GGA3: variants seen among roughly 807,000 people sequenced by gnomAD.
GGA3 encodes golgi associated, gamma adaptin ear containing, ARF binding protein 3.
GGA3 carries 57 observed loss-of-function variants against 77.5 expected under a neutral mutation model. The ratio of observed to expected loss-of-function variants is 0.74; its 90% confidence interval spans 0.59 to 0.92. The LOEUF is 0.92. Ranked by LOEUF, GGA3 falls within the 40% of genes least tolerant of loss-of-function variation. The pLI is 0.00. For synonymous variants in GGA3, 416 were observed against 383.7 expected (o/e 1.08, Z -0.98); for missense variants, 970 against 914.9 (o/e 1.06, Z -0.78).
At chr17:75,249,112 C>G (rs1403651843) in intron 1 of GGA3, 1 of 444,856 alleles carries the variant, frequency 2.2e-6, no homozygotes, top group Non-Finnish European at 3.0e-6. Context: ...GTGGCGCGAT[C>G]TAGGCTCACT....
intron 14 of GGA3, 115 bp from the exon 15 acceptor site, chr17:75,239,198 C>A (rs948976765): frequency 9.3e-7 from 1 of 1,079,166 alleles, no homozygotes; most frequent in Non-Finnish European, 1.3e-6. Flanking sequence ...TGCTTCCTAA[C>A]GGAATCTGGG....
intron 2 of GGA3, 22 bp from the exon 3 acceptor site, chr17:75,246,606 C>A: frequency 6.2e-7 from 1 of 1,608,824 alleles, no homozygotes; most frequent in Non-Finnish European, 8.5e-7. Context: ...GCAGAACACA[C>A]TCCAGTGCAC....
rs1298055447 is a variant in GGA3 at position 75,241,474 on chromosome 17, T to G, written c.872A>C (p.Asn291Thr). ...CCCTTCAATAATTGTTTTGTAAGAGTTGATGACCCGGGAGAGGTTGTCACT... is the reference window on the plus strand; with the variant it reads ...CCCTTCAATAATTGTTTTGTAAGAGGTGATGACCCGGGAGAGGTTGTCACT... ...QASDNLSRVI[N>T]SYKTIIEGQV... Residue 291 changes from asparagine to threonine, a missense_variant, in exon 10 of 17, where the codon AAC becomes ACC. Physicochemically the swap from Asn to Thr is moderately conservative, Grantham distance 65. Transcript: ENST00000537686. 2 of 1,613,934 alleles carry G rather than the reference T, an allele frequency of 1.2e-6. No homozygotes were observed. Among genetic ancestry groups the G allele is most frequent in the South Asian group, 1.1e-5 (1 of 91,072 alleles).
chr17:75,247,664 A>G (rs570315386), intron 1 of GGA3, among the ~76,000 whole-genome samples: 2 of 152,282 alleles, frequency 1.3e-5, no homozygotes, highest in African/African-American at 4.8e-5. Flanking sequence ...TGTCAAGCCA[A>G]CAACATTTAC....
Position 75,239,510 on chromosome 17 carries a change from G to T in GGA3, c.1645C>A (p.Pro549Thr). Residue 549 changes from proline to threonine, a missense_variant, in exon 14 of 17, where the codon CCC becomes ACC. Coordinates refer to ENST00000537686, the MANE Select transcript of GGA3 (RefSeq NM_138619.4). ...PLIPTTTPAR[P>T]LLPFSTGPGS... Reference sequence around the variant, plus strand: ...GGCCCCGTGGAGAAGGGCAGGAGGGGCCTGGCTGGGGTGGTGGTGGGGATG... The same window carrying T: ...GGCCCCGTGGAGAAGGGCAGGAGGGTCCTGGCTGGGGTGGTGGTGGGGATG... The T allele has an allele frequency of 6.4e-7, 1 of 1,573,370 alleles. No homozygotes were observed. The highest frequency in any genetic ancestry group is 1.7e-4 in the Middle Eastern group (1 of 5,926).
Position 75,238,007 on chromosome 17 carries a change from G to C in GGA3, c.*272C>G. The stretch of plus-strand genomic sequence containing the variant: ...GCCAAGCCTGGGGGTCCATGTTCCC[G>C]GGACAGCAGTGAAGTCAGGGGCCAC... On this transcript the variant is annotated 3_prime_UTR_variant, in exon 17 of 17. Transcript: ENST00000537686. 11 of 1,247,358 alleles carry C rather than the reference G, an allele frequency of 8.8e-6. No individual in the cohort carries two copies. The highest frequency in any genetic ancestry group is 1.0e-5 in the Non-Finnish European group (10 of 994,742). 77.3% of individuals were successfully genotyped at this position (1,247,358 alleles called of 1,614,324 possible).
At chr17:75,261,846 C>A, upstream of GGA3, 1 of 1,562,664 alleles carries the variant, frequency 6.4e-7, no homozygotes, top group East Asian at 2.3e-5. Flanking sequence ...CGTTTCCCGT[C>A]ACTCGCTCAG....
In GGA3 at chr17:75,260,482, TCTTA is replaced by T. The variant is rs549375893; in HGVS notation, c.40+1062_40+1065del. Among the ~76,000 whole-genome samples, 1,291 of 152,370 alleles carry T rather than the reference TCTTA, an allele frequency of 8.5e-3. 6 individuals are homozygous for T. Among genetic ancestry groups the T allele is most frequent in the Non-Finnish European group, 0.014 (957 of 68,034 alleles). On this transcript the variant is annotated intron_variant, in intron 1 of 16. Transcript: ENST00000537686. ...GCAACTGCAGATTTTGCAAACGTGATCTTACTTTTTCTCTCTTTTGGGATATGCT... is the reference window on the plus strand; with the variant it reads ...GCAACTGCAGATTTTGCAAACGTGATCTTTTTCTCTCTTTTGGGATATGCT...
chr17:75,242,155 G>A (rs888164890), intron 8 of GGA3, 181 bp downstream of exon 8: 7 of 683,122 alleles, frequency 1.0e-5, no homozygotes, highest in East Asian at 2.5e-5. Flanking sequence ...GCTGATCCCA[G>A]GAGGCAAATG....
chr17:75,258,990 G>C (rs2077252519), intron 1 of GGA3, among the ~76,000 whole-genome samples: 1 of 139,034 alleles, frequency 7.2e-6, no homozygotes, highest in Non-Finnish European at 1.5e-5. Context: ...GTCTCGCTCT[G>C]TCACCGAGGC....
At chr17:75,261,356 G>A (rs2077366201) in intron 1 of GGA3, among the ~76,000 whole-genome samples, 192 bp downstream of exon 1, 1 of 152,256 alleles carries the variant, frequency 6.6e-6, no homozygotes, top group African/African-American at 2.4e-5. Context: ...CGCAGCGAGG[G>A]AAGCGGGGGC....
Position 75,261,594 on chromosome 17 carries a change from G to A in GGA3, c.-7C>T, listed in dbSNP as rs943309087. ...CCCCTTCCGCCTCCGCCATATTGCA[G>A]CCGCCCGGCCCCGCGGCTTCAAAAC... is the stretch of plus-strand genomic sequence containing the variant. On this transcript the variant is annotated 5_prime_UTR_variant, in exon 1 of 17. Coordinates refer to ENST00000537686, the MANE Select transcript of GGA3 (RefSeq NM_138619.4). 1 of 1,544,664 alleles carries A rather than the reference G, an allele frequency of 6.5e-7. No homozygotes were observed. Among genetic ancestry groups the A allele is most frequent in the Non-Finnish European group, 8.7e-7 (1 of 1,147,030 alleles).
At position 75,242,846 on chromosome 17, in the gene GGA3, C is replaced by G. The variant is rs962676009; in HGVS notation, c.594G>C (p.Lys198Asn). The change falls in exon 7 of 17, where the codon AAG (lysine) becomes AAC (asparagine). Residue 198 changes from lysine to asparagine, a missense_variant. Physicochemically the swap from Lys to Asn is moderately conservative, Grantham distance 94 (BLOSUM62 0). Coordinates refer to ENST00000537686, the MANE Select transcript of GGA3 (RefSeq NM_138619.4). ...DDLQEANKLI[K>N]SMVKEDEARI... is the part of the protein sequence containing the mutation. ...GCCCACTCACTTCCTTCACCATGGA[C>G]TTGATGAGCTTGTTGGCCTCCTGCA... The G allele has an allele frequency of 1.1e-5, 17 of 1,613,734 alleles. No individual in the cohort carries two copies. The highest frequency in any genetic ancestry group is 2.7e-5 in the African/African-American group (2 of 74,936).
chr17:75,261,935 G>C, upstream of GGA3: 1 of 1,608,862 alleles, frequency 6.2e-7, no homozygotes, highest in Non-Finnish European at 8.5e-7. Flanking sequence ...GCCCGAGGAT[G>C]GTCGGGCCTG....
In GGA3 at chr17:75,237,740, TC is replaced by T. The variant is rs2076369348; in HGVS notation, c.*538del. 7.7e-6 allele frequency: 11 copies of T among 1,432,378 alleles called. No homozygotes were observed. The highest frequency in any genetic ancestry group is 2.5e-4 in the Middle Eastern group (1 of 3,986). The allele number at this position is 1,432,378 out of a possible 1,614,324, so 88.7% of individuals were successfully genotyped here. A position where few individuals can be genotyped will look rare whatever the true frequency, so the allele number is the denominator to read the frequency against. On this transcript the variant is annotated 3_prime_UTR_variant, in exon 17 of 17. Transcript: ENST00000537686. ...GCTGGGGACTTTGCAGTATGCCAGT[TC>T]CTTATTCTGGGCCAGGCACCTTCCT... is the stretch of plus-strand genomic sequence containing the variant.
At chr17:75,257,285 C>T (rs1567807853) in intron 1 of GGA3, among the ~76,000 whole-genome samples, 1 of 70,182 alleles carries the variant, frequency 1.4e-5, no homozygotes, top group African/African-American at 2.8e-5. Flanking sequence ...TGTGCCCCCC[C>T]CCCCAAAAAA....
Position 75,241,405 on chromosome 17 carries a change from G to A in GGA3, c.941C>T (p.Ser314Leu), listed in dbSNP as rs201892707. 11 of 1,598,562 alleles carry A rather than the reference G, an allele frequency of 6.9e-6. No homozygotes were observed. The highest frequency in any genetic ancestry group is 6.7e-5 in the East Asian group (3 of 44,802). ...GEVATLTLPDSEGNSQCSNQG... is the reference protein window; with the variant it reads ...GEVATLTLPDLEGNSQCSNQG... Reference sequence around the variant, plus strand: ...TGGGGACCAGAGCATCTCACCTTCCGAGTCAGGCAGGGTTAAGGTAGCCAC... The same window carrying A: ...TGGGGACCAGAGCATCTCACCTTCCAAGTCAGGCAGGGTTAAGGTAGCCAC... The change falls in exon 10 of 17, where the codon TCG becomes TTG. Residue 314 changes from serine to leucine, a missense_variant. By Grantham distance (145) the Ser-to-Leu change is moderately radical. Coordinates refer to ENST00000537686, the MANE Select transcript of GGA3 (RefSeq NM_138619.4).
Position 75,238,896 on chromosome 17 carries a change from C to T in GGA3, c.1950+18G>A, listed in dbSNP as rs764435580. 6.2e-7 allele frequency: 1 copy of T among 1,612,428 alleles called. No individual in the cohort carries two copies. The highest frequency in any genetic ancestry group is 1.1e-5 in the South Asian group (1 of 90,992). ...GGGTCAAGATAAGGCCGTTTTGGCC[C>T]CAGGGAGACACTGGTACCTTGGGCA... On this transcript the variant is annotated intron_variant, in intron 15 of 16. Coordinates refer to ENST00000537686, the MANE Select transcript of GGA3 (RefSeq NM_138619.4).
At position 75,239,880 on chromosome 17, in the gene GGA3, G is replaced by C; in HGVS notation, c.1492C>G (p.Pro498Ala). The C allele has an allele frequency of 6.2e-7, 1 of 1,614,018 alleles. No homozygotes were observed. Among genetic ancestry groups the C allele is most frequent in the Non-Finnish European group, 8.5e-7 (1 of 1,179,980 alleles). ...AAGCCATGGTGCCCAGGGACTGCGGGCTCAACTTTTGGGGCCAAGGCTGGG... is the reference window on the plus strand; with the variant it reads ...AAGCCATGGTGCCCAGGGACTGCGGCCTCAACTTTTGGGGCCAAGGCTGGG... Reference protein sequence around the residue: ...VAPALAPKVEPAVPGHHGLAL... With the variant: ...VAPALAPKVEAAVPGHHGLAL... The change falls in exon 13 of 17, where the codon CCC becomes GCC. Residue 498 changes from proline to alanine, a missense_variant. Pro to Ala is a conservative substitution (Grantham distance 27). Coordinates refer to ENST00000537686, the MANE Select transcript of GGA3 (RefSeq NM_138619.4).
Sources: gnomAD v4.1 joint callset for allele counts (sites outside exome capture counted in the v4.1 genomes callset) on GRCh38, gnomAD v4.1.1 for gene constraint, MANE v1.5 for transcripts, NCBI Gene and HGNC (gene_info 2026-07-23, HGNC 2026-07-21) for gene names.